The following UGGT2 variants were observed in gnomAD, a reference collection of about 807,000 sequenced individuals.
UGGT2 encodes the protein UDP-glucose:glycoprotein glucosyltransferase 2.
A neutral mutation model predicts 192.1 loss-of-function variants in UGGT2; 180 were observed. That is an observed-to-expected ratio of 0.94 (90% confidence interval 0.83 to 1.06). The LOEUF (loss-of-function observed/expected upper bound fraction) is 1.06, where lower values mean the gene tolerates loss of function less well. Among genes scored for constraint, UGGT2 ranks in the 50% least tolerant of loss-of-function variants. UGGT2 has a pLI of 0.00. For synonymous variants in UGGT2, 580 were observed against 591.0 expected (o/e 0.98, Z 0.27); for missense variants, 1,849 against 1,795.7 (o/e 1.03, Z -0.54).
intron 4 of UGGT2, among the ~76,000 whole-genome samples, chr13:96,022,570 A>T (rs1038285768): frequency 6.6e-6 from 1 of 151,848 alleles, no homozygotes; most frequent in African/African-American, 2.4e-5. Context: ...AGGCAAAAAA[A>T]ATATACTGGT....
chr13:96,006,623 CAAAAAAAAAA>C lies in UGGT2; in HGVS notation c.660+6674_660+6683del, dbSNP rs61256349. On this transcript the variant is annotated intron_variant, in intron 5 of 38. Coordinates refer to ENST00000376747, the MANE Select transcript of UGGT2 (RefSeq NM_020121.4). ...TGGGTGACAGAGCGAGATTCTGCCT[CAAAAAAAAAA>C]AAAAAAAAAAAAAAAGAATTGGTTA... Among the ~76,000 whole-genome samples, 215 of 93,438 alleles carry C rather than the reference CAAAAAAAAAA, an allele frequency of 2.3e-3. 2 individuals carry two copies. Among genetic ancestry groups the C allele is most frequent in the African/African-American group, 5.6e-3 (111 of 19,852 alleles). 61.3% of individuals were successfully genotyped at this position (93,438 alleles called of 152,430 possible). A position where few individuals can be genotyped will look rare whatever the true frequency, so the allele number is the denominator to read the frequency against.
intron 27 of UGGT2, among the ~76,000 whole-genome samples, chr13:95,881,031 G>A (rs776845990): frequency 4.6e-5 from 7 of 152,182 alleles, no homozygotes; most frequent in East Asian, 3.9e-4. Context: ...AGAATCAGCC[G>A]GGCGTGGCAG....
At position 95,918,528 on chromosome 13, in the gene UGGT2, G is replaced by A. The variant is rs574784801; in HGVS notation, c.2295+7152C>T. On this transcript the variant is annotated intron_variant, in intron 20 of 38. Coordinates refer to ENST00000376747, the MANE Select transcript of UGGT2 (RefSeq NM_020121.4). ...AGCAGAAGACAAGAAACCACGATCA[G>A]AGCTGAACTGAAGGAGTTAGACAAA... is the stretch of plus-strand genomic sequence containing the variant. Among the ~76,000 whole-genome samples the A allele has an allele frequency of 1.1e-4, 17 of 152,124 alleles. No individual in the cohort carries two copies. The East Asian group carries it at 2.9e-3, about 26-fold the overall frequency.
chr13:95,999,980 T>TA (rs2051747006), intron 5 of UGGT2, among the ~76,000 whole-genome samples: 1 of 152,206 alleles, frequency 6.6e-6, no homozygotes, highest in African/African-American at 2.4e-5. Flanking sequence ...AATGTACTCC[T>TA]AGAGATTACC....
intron 29 of UGGT2, among the ~76,000 whole-genome samples, chr13:95,869,143 T>G (rs1890985034): frequency 6.6e-6 from 1 of 151,494 alleles, no homozygotes; most frequent in Non-Finnish European, 1.5e-5. Flanking sequence ...GGTGTTTGGT[T>G]TTTTTGTCCT....
intron 11 of UGGT2, 110 bp downstream of exon 11, chr13:95,972,470 C>T: frequency 1.0e-6 from 1 of 1,003,100 alleles, no homozygotes; most frequent in South Asian, 1.7e-5. Flanking sequence ...CAATCAAAAA[C>T]ATGTATTTAT....
At chr13:95,857,235 A>G (rs1201198223) in intron 33 of UGGT2, among the ~76,000 whole-genome samples, 1 of 152,100 alleles carries the variant, frequency 6.6e-6, no homozygotes, top group Non-Finnish European at 1.5e-5. Context: ...GTTTCAAAAT[A>G]AAATAAAATA....
rs182423884 is a variant in UGGT2, at chr13:96,051,136, G to A, written c.158+2019C>T. Among the ~76,000 whole-genome samples the A allele has an allele frequency of 6.5e-3, 991 of 152,256 alleles. 10 individuals carry two copies. The highest frequency in any genetic ancestry group is 0.023 in the African/African-American group (947 of 41,534). On this transcript the variant is annotated intron_variant, in intron 1 of 38. Transcript: ENST00000376747. ...AGAAAATGTGGCACATATACACCACGGAATACTATGCAGCCATAAAAAAGG... is the reference window on the plus strand; with the variant it reads ...AGAAAATGTGGCACATATACACCACAGAATACTATGCAGCCATAAAAAAGG...
intron 31 of UGGT2, 53 bp from the exon 32 acceptor site, chr13:95,860,936 T>C: frequency 9.9e-7 from 1 of 1,014,926 alleles, no homozygotes; most frequent in East Asian, 2.7e-5. Context: ...GGAAACATTG[T>C]ATGCCTAAAT....
intron 19 of UGGT2, among the ~76,000 whole-genome samples, chr13:95,926,807 AGTTT>A (rs137896226): frequency 0.013 from 1,940 of 152,306 alleles, 13 homozygotes; most frequent in Non-Finnish European, 0.02. Context: ...AGGTGAAAAT[AGTTT>A]GTTTAAAAAA....
chr13:95,821,531 T>C (rs573636229), intron 38 of UGGT2, among the ~76,000 whole-genome samples: 221 of 152,300 alleles, frequency 1.5e-3, no homozygotes, highest in African/African-American at 5.1e-3. Context: ...CTGTGGGTTG[T>C]AGGTTTAGTC....
At position 95,842,398 on chromosome 13, in the gene UGGT2, TATAA is replaced by T. The variant is rs989516369; in HGVS notation, c.4285-5200_4285-5197del. The stretch of plus-strand genomic sequence containing the variant: ...TTTAGAGTCATCCATGTTGTCTGTG[TATAA>T]ATAATTCATTCCTTTTTACTATTGA... On this transcript the variant is annotated intron_variant, in intron 36 of 38. Coordinates refer to ENST00000376747, the MANE Select transcript of UGGT2 (RefSeq NM_020121.4). 2.0e-5 allele frequency among the ~76,000 whole-genome samples: 3 copies of T among 152,254 alleles called. No individual in the cohort carries two copies. In the East Asian group the frequency reaches 5.8e-4, roughly 29 times the overall value.
intron 20 of UGGT2, among the ~76,000 whole-genome samples, chr13:95,919,727 A>G (rs908843337): frequency 1.3e-5 from 2 of 152,242 alleles, no homozygotes; most frequent in Non-Finnish European, 2.9e-5. Context: ...ATGGAAAAAC[A>G]TTCCATGCTC....
At chr13:95,942,221 G>GGTGTGTGTGTGTGT (rs370041064) in intron 15 of UGGT2, among the ~76,000 whole-genome samples, 187 of 118,060 alleles carry the variant, frequency 1.6e-3, no homozygotes, top group Middle Eastern at 4.3e-3. Context: ...TTAGGGTGAG[G>GGTGTGTGTGTGTGT]GTGTGTGTGT....
chr13:96,023,528 A>G, intron 3 of UGGT2, 101 bp downstream of exon 3: 2 of 1,271,572 alleles, frequency 1.6e-6, no homozygotes, highest in Non-Finnish European at 2.1e-6. Context: ...CCAACTATAA[A>G]CTTGTAGATC....
intron 36 of UGGT2, among the ~76,000 whole-genome samples, chr13:95,841,393 G>T (rs1210053801): frequency 2.6e-5 from 4 of 152,136 alleles, no homozygotes; most frequent in African/African-American, 9.7e-5. Flanking sequence ...CTGAAGATTG[G>T]TCCTCCTCTA....
At chr13:95,980,849 T>C (rs552623259) in intron 10 of UGGT2, among the ~76,000 whole-genome samples, 1 of 152,110 alleles carries the variant, frequency 6.6e-6, no homozygotes, top group Non-Finnish European at 1.5e-5. Flanking sequence ...ATACAAAAAT[T>C]AGCCGGGTGT....
intron 12 of UGGT2, among the ~76,000 whole-genome samples, chr13:95,958,819 C>A (rs2140682897): frequency 6.6e-6 from 1 of 152,230 alleles, no homozygotes; most frequent in East Asian, 1.9e-4. Context: ...TGGCTGGAAG[C>A]CTAGAGAGGT....
intron 10 of UGGT2, among the ~76,000 whole-genome samples, chr13:95,983,237 A>G (rs1217814481): frequency 6.6e-6 from 1 of 152,168 alleles, no homozygotes; most frequent in African/African-American, 2.4e-5. Flanking sequence ...AAGAAGTGAG[A>G]AAAATGAACT....
Sources: allele counts gnomAD v4.1 joint callset (sites outside exome capture counted in the v4.1 genomes callset), GRCh38; gene constraint gnomAD v4.1.1; transcripts MANE v1.5; gene names NCBI Gene and HGNC (gene_info 2026-07-23, HGNC 2026-07-21).